METTL14: variants seen among roughly 807,000 people sequenced by gnomAD.
METTL14 encodes N(6)-adenosine-methyltransferase non-catalytic subunit METTL14.
Under a neutral mutation model 62.4 loss-of-function variants are expected in METTL14, and 32 were observed. That is an observed-to-expected ratio of 0.51 (90% CI 0.39 to 0.69). The LOEUF is 0.69. Among genes scored for constraint, METTL14 ranks in the 30% least tolerant of loss-of-function variants. The pLI is 0.00. For synonymous variants in METTL14, 150 were observed against 180.0 expected (o/e 0.83, Z 1.34); for missense variants, 340 against 551.9 (o/e 0.62, Z 3.85).
At chr4:118,687,532 G>A (rs1012260694) in intron 1 of METTL14, among the ~76,000 whole-genome samples, 2 of 152,094 alleles carry the variant, frequency 1.3e-5, no homozygotes, top group African/African-American at 2.4e-5. Flanking sequence ...ATTGACTTAC[G>A]GTGGAGTTGT....
chr4:118,704,572 C>G (rs1467336248), intron 9 of METTL14, among the ~76,000 whole-genome samples: 1 of 151,936 alleles, frequency 6.6e-6, no homozygotes, highest in Non-Finnish European at 1.5e-5. Context: ...GGAATCATGC[C>G]TAGGTAATGA....
Position 118,700,623 on chromosome 4 carries a change from G to GAA in METTL14, c.719_720insAA (p.Leu241SerfsTer36). The GAA allele has an allele frequency of 6.2e-7, 1 of 1,610,548 alleles. No homozygotes were observed. The highest frequency in any genetic ancestry group is 8.5e-7 in the Non-Finnish European group (1 of 1,177,828). ...TTTCTCTGGTGTGGTTCTGGGGAGG[G>GAA]GTTGGACCTTGGAAGAGTGGTAAGA... On this transcript the variant is annotated frameshift_variant, in exon 8 of 11. Coordinates refer to ENST00000388822, the MANE Select transcript of METTL14 (RefSeq NM_020961.4). LOFTEE classifies it high-confidence loss of function.
chr4:118,705,729 A>G lies in METTL14; in HGVS notation c.974A>G (p.Glu325Gly). The G allele has an allele frequency of 6.2e-7, 1 of 1,614,108 alleles. No homozygotes were observed. Among genetic ancestry groups the G allele is most frequent in the Non-Finnish European group, 8.5e-7 (1 of 1,179,984 alleles). Residue 325 changes from glutamate to glycine, a missense_variant, in exon 10 of 11, where the codon GAA becomes GGA. Coordinates refer to ENST00000388822, the MANE Select transcript of METTL14 (RefSeq NM_020961.4). ...ITEEPEIGNI[E>G]KPVEIFHIIE... ...GAAGAACCTGAAATTGGCAATATAG[A>G]AAAACCTGTAGAAATTTTTCATATA...
At chr4:118,704,109 C>T (rs1384440276) in intron 9 of METTL14, 58 bp downstream of exon 9, 3 of 1,030,104 alleles carry the variant, frequency 2.9e-6, no homozygotes, top group Non-Finnish European at 4.4e-6. Context: ...CAAGCTTTTC[C>T]AAATAACTGT....
At position 118,715,234 on chromosome 4, in the gene METTL14, T is replaced by C. The variant is rs900638574; in HGVS notation, c.*4932T>C. On this transcript the variant is annotated 3_prime_UTR_variant, in exon 11 of 11. Coordinates refer to ENST00000388822, the MANE Select transcript of METTL14 (RefSeq NM_020961.4). The stretch of plus-strand genomic sequence containing the variant: ...GAATGGCTACATCATTATCCTGCCT[T>C]TTCTGGGTGTTTATTTTGTTGTTTT... 1.3e-5 allele frequency: 2 copies of C among 152,198 alleles called. No individual in the cohort carries two copies. The highest frequency in any genetic ancestry group is 1.3e-4 in the Admixed American group (2 of 15,282). The allele number at this position is 152,198 out of a possible 1,614,324, so 9.4% of individuals were successfully genotyped here. A position where few individuals can be genotyped will look rare whatever the true frequency, so the allele number is the denominator to read the frequency against.
At position 118,703,081 on chromosome 4, in the gene METTL14, G is replaced by C. The variant is rs190069690; in HGVS notation, c.739-854G>C. ...ACCCATCAACCCGTAATCTACATTA[G>C]GTATTTCTCCTAATGCTGTCCCTCC... On this transcript the variant is annotated intron_variant, in intron 8 of 10. Transcript: ENST00000388822. Among the ~76,000 whole-genome samples the C allele has an allele frequency of 1.8e-3, 268 of 151,698 alleles. 1 individual carries two copies. The highest frequency in any genetic ancestry group is 6.2e-3 in the African/African-American group (257 of 41,380).
At chr4:118,687,074 A>G (rs1724089155) in intron 1 of METTL14, among the ~76,000 whole-genome samples, 1 of 152,226 alleles carries the variant, frequency 6.6e-6, no homozygotes, top group Non-Finnish European at 1.5e-5. Context: ...GCTGATGCCT[A>G]CAAAATGTTT....
At position 118,688,025 on chromosome 4, in the gene METTL14, T is replaced by TTA; in HGVS notation, c.155+15_155+16insAT. 1.8e-5 allele frequency: 28 copies of TTA among 1,552,914 alleles called. No individual in the cohort carries two copies. The highest frequency in any genetic ancestry group is 1.7e-4 in the Middle Eastern group (1 of 5,836). The stretch of plus-strand genomic sequence containing the variant: ...AGAAACTTGCAGGTCAGTCAGATAA[T>TTA]TCTTTTTTTTTTTTTTTTTGAGACA... On this transcript the variant is annotated intron_variant, in intron 2 of 10. Transcript: ENST00000388822.
At chr4:118,689,666 C>G (rs1251200378) in intron 3 of METTL14, among the ~76,000 whole-genome samples, 4 of 142,652 alleles carry the variant, frequency 2.8e-5, no homozygotes, top group Admixed American at 2.2e-4. Context: ...TTTTTTGTGA[C>G]GGAGTCTCGC....
At position 118,710,354 on chromosome 4, in the gene METTL14, T is replaced by G; in HGVS notation, c.*52T>G. On this transcript the variant is annotated 3_prime_UTR_variant, in exon 11 of 11. Coordinates refer to ENST00000388822, the MANE Select transcript of METTL14 (RefSeq NM_020961.4). ...CCTCCTCTAACCTTCTTTATTGTAA[T>G]TAAATTTCAAGTGGGAGACTTAACT... 6.7e-7 allele frequency: 1 copy of G among 1,501,048 alleles called. No individual in the cohort carries two copies. The highest frequency in any genetic ancestry group is 8.9e-7 in the Non-Finnish European group (1 of 1,121,344). The allele number at this position is 1,501,048 out of a possible 1,614,324, so 93.0% of individuals were successfully genotyped here. A position where few individuals can be genotyped will look rare whatever the true frequency, so the allele number is the denominator to read the frequency against.
At chr4:118,699,565 C>G (rs1478799854) in intron 7 of METTL14, among the ~76,000 whole-genome samples, 1 of 152,028 alleles carries the variant, frequency 6.6e-6, no homozygotes, top group Non-Finnish European at 1.5e-5. Context: ...CATTTTTTAT[C>G]AGTTTGCTCA....
chr4:118,695,130 C>T (rs946920268), intron 6 of METTL14, among the ~76,000 whole-genome samples: 1 of 152,092 alleles, frequency 6.6e-6, no homozygotes. Flanking sequence ...GTACTGAGCC[C>T]TATTTCTTCG....
At chr4:118,690,285 G>A (rs911159710) in intron 3 of METTL14, among the ~76,000 whole-genome samples, 4 of 150,668 alleles carry the variant, frequency 2.7e-5, no homozygotes, top group African/African-American at 7.3e-5. Context: ...TGATCCACCC[G>A]CCTCGGCCTC....
In METTL14 at chr4:118,713,615, T is replaced by G. The variant is rs1328275005; in HGVS notation, c.*3313T>G. 2 of 152,222 alleles carry G rather than the reference T, an allele frequency of 1.3e-5. No homozygotes were observed. The highest frequency in any genetic ancestry group is 2.9e-5 in the Non-Finnish European group (2 of 68,028). The allele number at this position is 152,222 out of a possible 1,614,324, so 9.4% of individuals were successfully genotyped here. On this transcript the variant is annotated 3_prime_UTR_variant, in exon 11 of 11. Coordinates refer to ENST00000388822, the MANE Select transcript of METTL14 (RefSeq NM_020961.4). ...TTGTGATCTATTAGAAACATAAACCTTTGCTTATGCAGAAGGTCTTTCTTA... is the reference window on the plus strand; with the variant it reads ...TTGTGATCTATTAGAAACATAAACCGTTGCTTATGCAGAAGGTCTTTCTTA...
At chr4:118,698,452 C>CAAAA (rs70941202) in intron 7 of METTL14, among the ~76,000 whole-genome samples, 2 of 76,626 alleles carry the variant, frequency 2.6e-5, no homozygotes, top group African/African-American at 1.1e-4. Context: ...GACTCTGTCT[C>CAAAA]AAAAAAAAAA....
chr4:118,702,465 T>G (rs1171943748), intron 8 of METTL14, among the ~76,000 whole-genome samples: 1 of 152,158 alleles, frequency 6.6e-6, no homozygotes, highest in African/African-American at 2.4e-5. Flanking sequence ...GATATTGATC[T>G]TGATTTTGGA....
Position 118,710,836 on chromosome 4 carries a change from AAC to A in METTL14, c.*535_*536del, listed in dbSNP as rs1724897585. On this transcript the variant is annotated 3_prime_UTR_variant, in exon 11 of 11. Transcript: ENST00000388822. ...AAGAAATTAAGAGACTTTGAACAAA[AAC>A]TCTTCCCAAATCTAAATTTGATAGG... 1 of 152,010 alleles carries A rather than the reference AAC, an allele frequency of 6.6e-6. No homozygotes were observed. The highest frequency in any genetic ancestry group is 1.5e-5 in the Non-Finnish European group (1 of 68,006). The allele number at this position is 152,010 out of a possible 1,614,324, so 9.4% of individuals were successfully genotyped here. A position where few individuals can be genotyped will look rare whatever the true frequency, so the allele number is the denominator to read the frequency against.
At chr4:118,690,829 A>G (rs968169192) in intron 3 of METTL14, among the ~76,000 whole-genome samples, 4 of 152,188 alleles carry the variant, frequency 2.6e-5, no homozygotes, top group African/African-American at 7.2e-5. Flanking sequence ...AGATATTTTT[A>G]GGATTTATGG....
chr4:118,710,590 A>G lies in METTL14; in HGVS notation c.*288A>G. On this transcript the variant is annotated 3_prime_UTR_variant, in exon 11 of 11. Coordinates refer to ENST00000388822, the MANE Select transcript of METTL14 (RefSeq NM_020961.4). The stretch of plus-strand genomic sequence containing the variant: ...AATTTATTCTGATAGACTTCAGCTA[A>G]TTACAAAGGATTTTGCTAATTTTTG... The G allele has an allele frequency of 3.8e-6, 1 of 263,722 alleles. No individual in the cohort carries two copies. The highest frequency in any genetic ancestry group is 7.1e-6 in the Non-Finnish European group (1 of 140,774). The allele number at this position is 263,722 out of a possible 1,614,324, so 16.3% of individuals were successfully genotyped here. A position where few individuals can be genotyped will look rare whatever the true frequency, so the allele number is the denominator to read the frequency against.
Sources: allele counts gnomAD v4.1 joint callset (sites outside exome capture counted in the v4.1 genomes callset), GRCh38; gene constraint gnomAD v4.1.1; transcripts MANE v1.5; gene names NCBI Gene and HGNC (gene_info 2026-07-23, HGNC 2026-07-21).